BICDL1: variants seen among roughly 807,000 people sequenced by gnomAD.
The protein encoded by BICDL1 is BICD family-like cargo adapter 1.
Under a neutral mutation model 76.8 loss-of-function variants are expected in BICDL1, and 20 were observed. The observed-to-expected ratio is 0.26, with a 90% CI of 0.18 to 0.38. The LOEUF is 0.38. BICDL1 is among the 10% of genes least tolerant of loss of function. The pLI, the probability that BICDL1 is intolerant of heterozygous loss-of-function variation, is 1.00. For synonymous variants in BICDL1, 383 were observed against 337.1 expected (o/e 1.14, Z -1.49); for missense variants, 700 against 798.6 (o/e 0.88, Z 1.49).
chr12:120,046,063 C>T (rs955735252), intron 2 of BICDL1, among the ~76,000 whole-genome samples: 4 of 152,116 alleles, frequency 2.6e-5, no homozygotes, highest in Admixed American at 1.3e-4. Flanking sequence ...CTCAGTTTAG[C>T]TGGGTGGTAA....
intron 2 of BICDL1, among the ~76,000 whole-genome samples, chr12:120,055,481 AC>A (rs1426899863): frequency 6.6e-6 from 1 of 152,200 alleles, no homozygotes; most frequent in African/African-American, 2.4e-5. Context: ...TGGTACTCTG[AC>A]CAACAGGAAA....
rs1363347755 is a variant in BICDL1 at position 119,989,301 on chromosome 12, A to G, written c.-568A>G. Among the ~76,000 whole-genome samples the G allele has an allele frequency of 1.3e-5, 2 of 150,512 alleles. No individual in the cohort carries two copies. Among genetic ancestry groups the G allele is most frequent in the African/African-American group, 4.8e-5 (2 of 41,260 alleles). On this transcript the variant is annotated 5_prime_UTR_variant, in exon 1 of 10. Transcript: ENST00000548673. ...CCGCCGCCTCGGCCCCTGCAGCAGC[A>G]GCAGCCGCCGTCGCCGCCGCTGCTG...
At chr12:120,068,026 T>C (rs1872780848) in intron 4 of BICDL1, among the ~76,000 whole-genome samples, 1 of 152,198 alleles carries the variant, frequency 6.6e-6, no homozygotes, top group South Asian at 2.1e-4. Context: ...CTATTCCAGA[T>C]CACTGGTGCC....
intron 2 of BICDL1, among the ~76,000 whole-genome samples, chr12:120,012,403 G>A (rs1314792899): frequency 3.3e-5 from 5 of 152,170 alleles, no homozygotes; most frequent in Non-Finnish European, 7.4e-5. Context: ...ATGATTAGTT[G>A]CATTCAATGC....
chr12:119,992,708 C>G (rs530363380), intron 1 of BICDL1: 3 of 152,224 alleles, frequency 2.0e-5, no homozygotes, highest in African/African-American at 7.2e-5. Context: ...AAATCAAACA[C>G]TTGGGAGTAT....
At chr12:120,081,679 C>T (rs1431790109) in intron 8 of BICDL1, among the ~76,000 whole-genome samples, 5 of 151,684 alleles carry the variant, frequency 3.3e-5, no homozygotes, top group African/African-American at 1.2e-4. Flanking sequence ...ATATCTACCT[C>T]ACCTTTTTTT....
intron 1 of BICDL1, among the ~76,000 whole-genome samples, chr12:119,991,354 A>G (rs965784101): frequency 1.3e-5 from 2 of 152,314 alleles, no homozygotes; most frequent in Admixed American, 1.3e-4. Context: ...TCAGAATGGA[A>G]ATTCAGAAAT....
intron 1 of BICDL1, chr12:119,993,364 A>G (rs1231240303): frequency 1.3e-5 from 2 of 152,158 alleles, no homozygotes; most frequent in African/African-American, 2.4e-5. Flanking sequence ...TGCCAAGCCC[A>G]AGATTTTGTT....
intron 1 of BICDL1, among the ~76,000 whole-genome samples, chr12:119,992,178 TAA>T (rs920673687): frequency 9.8e-5 from 15 of 152,360 alleles, no homozygotes; most frequent in African/African-American, 2.9e-4. Flanking sequence ...TAAAAAATTT[TAA>T]AGTTTTAAAA....
chr12:120,007,009 T>G (rs1027516400), intron 2 of BICDL1, among the ~76,000 whole-genome samples: 1 of 151,968 alleles, frequency 6.6e-6, no homozygotes, highest in Non-Finnish European at 1.5e-5. Context: ...ACGGGTTAGG[T>G]TGGATATATG....
intron 9 of BICDL1, chr12:120,091,921 A>G (rs1211678015): frequency 2.0e-6 from 2 of 985,106 alleles, no homozygotes; most frequent in Non-Finnish European, 2.4e-6. Flanking sequence ...GCCTGCCCTG[A>G]ACACAGGCCT....
At position 119,989,653 on chromosome 12, in the gene BICDL1, A is replaced by G. The variant is rs1006007887; in HGVS notation, c.-216A>G. 3.4e-5 allele frequency among the ~76,000 whole-genome samples: 5 copies of G among 147,344 alleles called. No individual in the cohort carries two copies. Among genetic ancestry groups the G allele is most frequent in the African/African-American group, 7.4e-5 (3 of 40,630 alleles). ...CCCCTCCTCCCGCGCGCGCCTGAGC[A>G]GCTGAGCCCGGGGGCGGGGGAGGGG... On this transcript the variant is annotated 5_prime_UTR_variant, in exon 1 of 10. Coordinates refer to ENST00000548673, the MANE Select transcript of BICDL1 (RefSeq NM_001367886.1).
chr12:120,087,329 A>AAGGC (rs1406887286), intron 8 of BICDL1, among the ~76,000 whole-genome samples: 1 of 152,126 alleles, frequency 6.6e-6, no homozygotes, highest in Non-Finnish European at 1.5e-5. Context: ...TTCTCTAGGG[A>AAGGC]AGGCAGGCGG....
intron 2 of BICDL1, among the ~76,000 whole-genome samples, chr12:120,035,146 G>A (rs1328992920): frequency 2.0e-5 from 3 of 152,138 alleles, no homozygotes; most frequent in South Asian, 4.1e-4. Context: ...GGCCAGCCTG[G>A]CCAACATGGC....
intron 8 of BICDL1, among the ~76,000 whole-genome samples, chr12:120,086,621 C>T (rs927651657): frequency 1.3e-5 from 2 of 152,174 alleles, no homozygotes; most frequent in Non-Finnish European, 2.9e-5. Context: ...TTCTCCTATA[C>T]AATAAATGAG....
In BICDL1 at chr12:120,072,668, G is replaced by T. The variant is rs199508010; in HGVS notation, c.1247G>T (p.Arg416Leu). 4.3e-6 allele frequency: 7 copies of T among 1,613,982 alleles called. No individual in the cohort carries two copies. In the South Asian group the frequency reaches 6.6e-5, roughly 15 times the overall value. ...SAKDVPAGSL[R>L]TALNELKRLI... ...AAGGATGTGCCAGCCGGCAGCTTGC[G>T]CACTGCCCTCAATGAGCTCAAGAGA... The change falls in exon 6 of 10, where the codon CGC becomes CTC. Residue 416 changes from arginine to leucine, a missense_variant. By Grantham distance (102) the Arg-to-Leu change is moderately radical. Coordinates refer to ENST00000548673, the MANE Select transcript of BICDL1 (RefSeq NM_001367886.1).
Position 119,989,881 on chromosome 12 carries a change from T to G in BICDL1, c.13T>G (p.Cys5Gly). The G allele has an allele frequency of 7.0e-7, 1 of 1,421,762 alleles. No homozygotes were observed. The highest frequency in any genetic ancestry group is 9.1e-7 in the Non-Finnish European group (1 of 1,099,420). The allele number at this position is 1,421,762 out of a possible 1,614,324, so 88.1% of individuals were successfully genotyped here. A position where few individuals can be genotyped will look rare whatever the true frequency, so the allele number is the denominator to read the frequency against. Residue 5 changes from cysteine (C) to glycine (G), a missense_variant, in exon 1 of 10, where the codon TGC becomes GGC. Physicochemically the swap from Cys to Gly is radical, Grantham distance 159 (BLOSUM62 -3). This residue lies in a region of BICDL1 where 225 missense variants were observed against 199.6 expected (regional missense o/e 1.13). Coordinates refer to ENST00000548673, the MANE Select transcript of BICDL1 (RefSeq NM_001367886.1). MSAF[C>G]LGLVGRASAP... is the part of the protein sequence containing the mutation. ...GCGCGCGCGGGCCATGTCCGCTTTC[T>G]GCCTGGGCTTGGTCGGCCGCGCTTC...
Position 120,004,680 on chromosome 12 carries a change from G to A in BICDL1, c.645+5944G>A, listed in dbSNP as rs556985879. On this transcript the variant is annotated intron_variant, in intron 2 of 9. Transcript: ENST00000548673. Reference sequence around the variant, plus strand: ...GTTTATGAAAGATTGGCTCCCAATGGGGTGTTATTTTTATGAACTTTGATT... The same window carrying A: ...GTTTATGAAAGATTGGCTCCCAATGAGGTGTTATTTTTATGAACTTTGATT... Among the ~76,000 whole-genome samples, 4 of 152,302 alleles carry A rather than the reference G, an allele frequency of 2.6e-5. No homozygotes were observed. In the South Asian group the frequency reaches 8.3e-4, roughly 32 times the overall value.
chr12:120,013,969 G>A (rs1353279061), intron 2 of BICDL1, among the ~76,000 whole-genome samples: 1 of 152,202 alleles, frequency 6.6e-6, no homozygotes, highest in African/African-American at 2.4e-5. Context: ...TTTAGCTCTT[G>A]TCTAGTCTGA....
Sources: allele counts gnomAD v4.1 joint callset (sites outside exome capture counted in the v4.1 genomes callset), GRCh38; gene constraint gnomAD v4.1.1; regional missense constraint gnomAD v4.1.1; transcripts MANE v1.5; gene names NCBI Gene and HGNC (gene_info 2026-07-23, HGNC 2026-07-21).